Variants in AGO3 observed in about 807,000 individuals in gnomAD.
AGO3 encodes the protein protein argonaute-3.
A neutral mutation model predicts 105.5 loss-of-function variants in AGO3; 16 were observed. That is an observed-to-expected ratio of 0.15 (90% CI 0.10 to 0.23). The LOEUF is 0.23. AGO3 is among the 10% of genes least tolerant of loss of function. AGO3 has a pLI of 1.00. For synonymous variants in AGO3, 340 were observed against 367.3 expected, an observed-to-expected ratio of 0.93 and a Z score of 0.85; for missense variants, 534 against 1,088.0, an observed-to-expected ratio of 0.49 and a Z score of 7.16.
At chr1:35,936,902 A>G (rs910124337) in intron 1 of AGO3, among the ~76,000 whole-genome samples, 10 of 152,114 alleles carry the variant, frequency 6.6e-5, no homozygotes, top group Admixed American at 2.0e-4. Context: ...TGTAGAAGAA[A>G]TTTTACAAGA....
chr1:36,070,766 C>CA lies in AGO3; in HGVS notation c.*15027dup, dbSNP rs1001682151. ...TCATGTTTGAAAAATGAAAAATGAA[C>CA]AAAAAATCCACCTTGTGCAGTGAGA... On this transcript the variant is annotated 3_prime_UTR_variant, in exon 19 of 19. Coordinates refer to ENST00000373191, the MANE Select transcript of AGO3 (RefSeq NM_024852.4). 6.6e-6 allele frequency: 1 copy of CA among 152,016 alleles called. No individual in the cohort carries two copies. Among genetic ancestry groups the CA allele is most frequent in the Non-Finnish European group, 1.5e-5 (1 of 67,988 alleles). 9.4% of individuals were successfully genotyped at this position (152,016 alleles called of 1,614,324 possible).
chr1:36,040,526 A>C (rs1380327577), intron 16 of AGO3, 85 bp downstream of exon 16: 2 of 1,457,742 alleles, frequency 1.4e-6, no homozygotes, highest in Non-Finnish European at 1.9e-6. Context: ...CCCTCTGCCA[A>C]CAGCAGGATT....
rs769011559 is a variant in AGO3, at chr1:36,036,302, G to C, written c.1842+35G>C. 3.8e-6 allele frequency: 6 copies of C among 1,581,656 alleles called. No homozygotes were observed. In the South Asian group the frequency reaches 6.7e-5, roughly 18 times the overall value. On this transcript the variant is annotated intron_variant, in intron 14 of 18. Coordinates refer to ENST00000373191, the MANE Select transcript of AGO3 (RefSeq NM_024852.4). ...AGCCAGGTTTATCTTACCTAAGGTT[G>C]ACAGACCAGTATCAATTTTGCAGTT...
chr1:35,958,752 T>C (rs892285536), intron 2 of AGO3, among the ~76,000 whole-genome samples: 16 of 152,358 alleles, frequency 1.1e-4, no homozygotes, highest in African/African-American at 3.8e-4. Context: ...ATTGGCTACC[T>C]TCTCTGCTAG....
intron 17 of AGO3, among the ~76,000 whole-genome samples, chr1:36,046,610 C>G (rs1642479975): frequency 9.6e-6 from 1 of 104,480 alleles, no homozygotes. Flanking sequence ...CAGAGTGAGA[C>G]TCAGTCTCTA....
At chr1:36,053,745 ATTTTTTTTTTTTTT>A (rs71034711) in intron 17 of AGO3, among the ~76,000 whole-genome samples, 2 of 81,286 alleles carry the variant, frequency 2.5e-5, no homozygotes, top group Non-Finnish European at 4.7e-5. Flanking sequence ...CACCTGGCTA[ATTTTTTTTTTTTTT>A]TTTTTTTTTT....
intron 1 of AGO3, among the ~76,000 whole-genome samples, chr1:35,944,651 C>T (rs1445254857): frequency 1.3e-5 from 2 of 149,936 alleles, no homozygotes; most frequent in African/African-American, 4.9e-5. Flanking sequence ...CAGGCCTGCA[C>T]CACCATGCCT....
intron 14 of AGO3, among the ~76,000 whole-genome samples, chr1:36,038,194 T>C (rs1291230574): frequency 6.6e-6 from 1 of 151,934 alleles, no homozygotes; most frequent in East Asian, 1.9e-4. Context: ...TACTGCAGGC[T>C]ATGAGGCTAG....
In AGO3 at chr1:36,064,685, A is replaced by G. The variant is rs911901335; in HGVS notation, c.*8940A>G. ...TGTAAAGTTTTACAGTTTAAAATAG[A>G]TCAGCATGTGATTTCTTGTAGAGAT... On this transcript the variant is annotated 3_prime_UTR_variant, in exon 19 of 19. Coordinates refer to ENST00000373191, the MANE Select transcript of AGO3 (RefSeq NM_024852.4). 6.6e-6 allele frequency: 1 copy of G among 152,204 alleles called. No individual in the cohort carries two copies. Among genetic ancestry groups the G allele is most frequent in the Non-Finnish European group, 1.5e-5 (1 of 68,052 alleles). The allele number at this position is 152,204 out of a possible 1,614,324, so 9.4% of individuals were successfully genotyped here. A position where few individuals can be genotyped will look rare whatever the true frequency, so the allele number is the denominator to read the frequency against.
At chr1:36,042,567 C>A (rs901789161) in intron 16 of AGO3, among the ~76,000 whole-genome samples, 1 of 152,090 alleles carries the variant, frequency 6.6e-6, no homozygotes, top group Non-Finnish European at 1.5e-5. Context: ...CAGTCACTCA[C>A]GTGGCAAAAA....
chr1:35,961,397 A>G (rs1292755647), intron 2 of AGO3, among the ~76,000 whole-genome samples: 2 of 152,166 alleles, frequency 1.3e-5, no homozygotes, highest in Non-Finnish European at 2.9e-5. Flanking sequence ...GGTACTTTAT[A>G]AGGTAGTGTA....
chr1:35,996,872 C>G (rs972465975), intron 5 of AGO3, among the ~76,000 whole-genome samples: 1 of 151,850 alleles, frequency 6.6e-6, no homozygotes, highest in Non-Finnish European at 1.5e-5. Context: ...CAGTGAGATA[C>G]CACCCATACG....
intron 1 of AGO3, among the ~76,000 whole-genome samples, chr1:35,934,614 G>A (rs1179285168): frequency 1.3e-5 from 2 of 152,086 alleles, no homozygotes; most frequent in African/African-American, 4.8e-5. Context: ...TGCCATCAGG[G>A]TCCCAATTTA....
intron 5 of AGO3, among the ~76,000 whole-genome samples, chr1:35,993,158 G>A (rs1030993893): frequency 1.3e-5 from 2 of 152,152 alleles, no homozygotes; most frequent in Non-Finnish European, 2.9e-5. Context: ...ACAAAGCTGT[G>A]AATCCCATAT....
chr1:36,028,616 G>T (rs1053469782), intron 12 of AGO3, among the ~76,000 whole-genome samples: 4 of 151,820 alleles, frequency 2.6e-5, no homozygotes, highest in Non-Finnish European at 4.4e-5. Context: ...TGGTGTATAT[G>T]TGCCACATTT....
At chr1:36,002,799 A>G (rs1483155311) in intron 5 of AGO3, among the ~76,000 whole-genome samples, 1 of 145,644 alleles carries the variant, frequency 6.9e-6, no homozygotes, top group East Asian at 2.1e-4. Context: ...CCCCACATAA[A>G]AAGTTTACGC....
intron 16 of AGO3, among the ~76,000 whole-genome samples, chr1:36,041,072 CAAAAAAAAA>C (rs35842002): frequency 3.0e-5 from 1 of 33,218 alleles, no homozygotes; most frequent in African/African-American, 9.8e-5. Context: ...AACTCCATCT[CAAAAAAAAA>C]AAAAAAAAAA....
intron 5 of AGO3, among the ~76,000 whole-genome samples, chr1:35,976,615 C>G (rs1427195243): frequency 6.6e-6 from 1 of 152,104 alleles, no homozygotes; most frequent in Non-Finnish European, 1.5e-5. Flanking sequence ...TAAGGAATAT[C>G]TGTTTCTTAT....
At chr1:36,005,429 A>G (rs528399161) in intron 6 of AGO3, among the ~76,000 whole-genome samples, 41 of 152,328 alleles carry the variant, frequency 2.7e-4, no homozygotes, top group African/African-American at 8.4e-4. Context: ...AGGAAGATCC[A>G]CCCTGCTTTG....
Sources: gnomAD v4.1 joint callset for allele counts (sites outside exome capture counted in the v4.1 genomes callset) on GRCh38, gnomAD v4.1.1 for gene constraint, MANE v1.5 for transcripts, NCBI Gene and HGNC (gene_info 2026-07-23, HGNC 2026-07-21) for gene names.